XPO4: variants seen among roughly 807,000 people sequenced by gnomAD.
The protein encoded by XPO4 is exportin-4.
In XPO4, 39 loss-of-function variants were observed where a neutral mutation model predicts 143.0. The observed-to-expected ratio is 0.27, with a 90% CI of 0.21 to 0.36. The LOEUF (loss-of-function observed/expected upper bound fraction) is 0.36. Ranked by LOEUF, XPO4 falls within the 10% of genes least tolerant of loss-of-function variation. The pLI, the probability that XPO4 is intolerant of heterozygous loss-of-function variation, is 1.00. For missense variants in XPO4, 907 were observed against 1,348.0 expected (o/e 0.67, Z 5.12); for synonymous variants, 439 against 474.0 (o/e 0.93, Z 0.96).
chr13:20,799,160 G>A lies in XPO4; in HGVS notation c.2322+5C>T, dbSNP rs2059399470. On this transcript the variant is annotated splice_donor_5th_base_variant and intron_variant, in intron 16 of 22. Coordinates refer to ENST00000255305, the MANE Select transcript of XPO4 (RefSeq NM_022459.5). Reference sequence around the variant, plus strand: ...GGGTGCAATCAAAATAGACAGCACTGTTACCTCTGTCCAATACTGCTGTTT... The same window carrying A: ...GGGTGCAATCAAAATAGACAGCACTATTACCTCTGTCCAATACTGCTGTTT... 1 of 1,585,672 alleles carries A rather than the reference G, an allele frequency of 6.3e-7. No individual in the cohort carries two copies. The highest frequency in any genetic ancestry group is 2.2e-5 in the East Asian group (1 of 44,534).
chr13:20,871,426 C>A (rs1329522719), intron 1 of XPO4, among the ~76,000 whole-genome samples: 1 of 152,142 alleles, frequency 6.6e-6, no homozygotes, highest in Non-Finnish European at 1.5e-5. Context: ...CTCAAGGGAT[C>A]CTCCCGCCTT....
chr13:20,865,430 C>T (rs2060236659), intron 2 of XPO4: 1 of 984,572 alleles, frequency 1.0e-6, no homozygotes, highest in Admixed American at 6.1e-5. Flanking sequence ...AGCCACCACA[C>T]CCAGCCTCAT....
At chr13:20,826,417 T>A (rs934271614) in intron 7 of XPO4, among the ~76,000 whole-genome samples, 1 of 152,170 alleles carries the variant, frequency 6.6e-6, no homozygotes, top group East Asian at 1.9e-4. Context: ...GCCTGTCAGG[T>A]TGCCTGTGAG....
At chr13:20,876,907 G>T (rs574749117) in intron 1 of XPO4, among the ~76,000 whole-genome samples, 1 of 152,182 alleles carries the variant, frequency 6.6e-6, no homozygotes, top group Non-Finnish European at 1.5e-5. Flanking sequence ...GCAGGTTGCC[G>T]CTGCTGGCTG....
chr13:20,867,543 G>A (rs2060255016), intron 2 of XPO4, among the ~76,000 whole-genome samples: 1 of 152,150 alleles, frequency 6.6e-6, no homozygotes, highest in Non-Finnish European at 1.5e-5. Context: ...AAGAGGCCCA[G>A]GGAGGTGAAC....
At chr13:20,902,298 C>T in intron 1 of XPO4, 1 of 985,436 alleles carries the variant, frequency 1.0e-6, no homozygotes, top group Non-Finnish European at 1.2e-6. Context: ...AGCGCTCACA[C>T]AGCCCTACAA....
chr13:20,893,873 C>T (rs1329879732), intron 1 of XPO4, among the ~76,000 whole-genome samples: 2 of 151,986 alleles, frequency 1.3e-5, no homozygotes, highest in African/African-American at 2.4e-5. Flanking sequence ...AAACAGAGTT[C>T]GCTCTTGTTG....
chr13:20,834,761 G>A (rs960774209), intron 6 of XPO4, among the ~76,000 whole-genome samples: 2 of 151,160 alleles, frequency 1.3e-5, no homozygotes, highest in African/African-American at 2.4e-5. Context: ...GAGAGTTTGA[G>A]GACAGCCTGG....
At chr13:20,889,036 C>A (rs1423847584) in intron 1 of XPO4, among the ~76,000 whole-genome samples, 1 of 152,100 alleles carries the variant, frequency 6.6e-6, no homozygotes, top group Non-Finnish European at 1.5e-5. Context: ...TGGTCTCGAA[C>A]TCCTGACCTC....
intron 2 of XPO4, chr13:20,866,056 G>C: frequency 2.0e-6 from 2 of 985,356 alleles, no homozygotes; most frequent in Non-Finnish European, 2.4e-6. Context: ...TCCAGAAGAA[G>C]TAAGCCAATC....
rs145897803 is a variant in XPO4 at position 20,847,755 on chromosome 13, GACTA to G, written c.457-3873_457-3870del. On this transcript the variant is annotated intron_variant, in intron 4 of 22. Transcript: ENST00000255305. Reference sequence around the variant, plus strand: ...ATGTCAGTGAATTCGGATCAAAGTTGACTAACTAACTAATTGATAAAAGACTGCC... The same window carrying G: ...ATGTCAGTGAATTCGGATCAAAGTTGACTAACTAATTGATAAAAGACTGCC... Among the ~76,000 whole-genome samples the G allele has an allele frequency of 4.9e-3, 750 of 152,168 alleles. 11 individuals are homozygous for G. Among genetic ancestry groups the G allele is most frequent in the African/African-American group, 0.017 (710 of 41,508 alleles).
At chr13:20,840,441 C>T (rs960650276) in intron 6 of XPO4, among the ~76,000 whole-genome samples, 12 of 152,084 alleles carry the variant, frequency 7.9e-5, no homozygotes, top group African/African-American at 2.7e-4. Flanking sequence ...CTCCTAGACT[C>T]AAGCAATCCT....
At chr13:20,898,151 T>A (rs1236192101) in intron 1 of XPO4, among the ~76,000 whole-genome samples, 1 of 152,236 alleles carries the variant, frequency 6.6e-6, no homozygotes, top group African/African-American at 2.4e-5. Flanking sequence ...GGACTACAGA[T>A]GTGCAAGTAT....
At chr13:20,891,014 G>C (rs868350993) in intron 1 of XPO4, among the ~76,000 whole-genome samples, 8 of 151,406 alleles carry the variant, frequency 5.3e-5, no homozygotes, top group South Asian at 4.2e-4. Flanking sequence ...CTACTTGGGA[G>C]GGTGAGGCAG....
chr13:20,793,921 G>C (rs570050610), intron 18 of XPO4, among the ~76,000 whole-genome samples: 1 of 152,306 alleles, frequency 6.6e-6, no homozygotes, highest in South Asian at 2.1e-4. Flanking sequence ...TGCTGGGGGA[G>C]GATCCTCCAT....
At chr13:20,789,782 A>ACG (rs1483142470) in intron 19 of XPO4, among the ~76,000 whole-genome samples, 8 of 151,966 alleles carry the variant, frequency 5.3e-5, no homozygotes, top group Admixed American at 5.2e-4. Context: ...GCATGCATGC[A>ACG]CATGTGCACA....
intron 3 of XPO4, among the ~76,000 whole-genome samples, chr13:20,861,541 C>T (rs1229891600): frequency 6.6e-6 from 1 of 151,900 alleles, no homozygotes; most frequent in Admixed American, 6.6e-5. Context: ...AGTGAGCCAC[C>T]CACCTCAGCC....
intron 14 of XPO4, 51 bp from the exon 15 acceptor site, chr13:20,800,376 G>GA (rs376749222): frequency 0.09 from 99,145 of 1,105,806 alleles, 9 homozygotes; most frequent in South Asian, 0.11. Flanking sequence ...ATCAACTCAA[G>GA]AAAAAAAAAA....
chr13:20,834,046 T>TA (rs2138024086), intron 6 of XPO4, among the ~76,000 whole-genome samples: 1 of 152,176 alleles, frequency 6.6e-6, no homozygotes, highest in East Asian at 1.9e-4. Context: ...AACATGGGGC[T>TA]ACAAAGTGCA....
Sources: allele counts gnomAD v4.1 joint callset (sites outside exome capture counted in the v4.1 genomes callset), GRCh38; gene constraint gnomAD v4.1.1; transcripts MANE v1.5; gene names NCBI Gene and HGNC (gene_info 2026-07-23, HGNC 2026-07-21).